Variants in PTGDR observed in about 807,000 individuals in gnomAD.
PTGDR encodes the protein PGD2 receptor.
Under a neutral mutation model 17.4 loss-of-function variants are expected in PTGDR, and 19 were observed. That is an observed-to-expected ratio of 1.09 (90% CI 0.76 to 1.60). The LOEUF is 1.60. Among genes scored for constraint, PTGDR ranks in the 40% most tolerant of loss-of-function variants. PTGDR has a pLI of 0.00. For missense variants in PTGDR, 526 were observed against 481.9 expected (o/e 1.09, Z -0.86); for synonymous variants, 267 against 224.2 (o/e 1.19, Z -1.71).
At chr14:52,273,121 T>C (rs1468109240) in intron 1 of PTGDR, among the ~76,000 whole-genome samples, 25 of 152,166 alleles carry the variant, frequency 1.6e-4, no homozygotes, top group Admixed American at 1.6e-3. Context: ...CAAGCAATTC[T>C]CCTGCCTCAG....
chr14:52,273,515 A>T (rs953356756), intron 1 of PTGDR, among the ~76,000 whole-genome samples: 2 of 152,122 alleles, frequency 1.3e-5, no homozygotes, highest in African/African-American at 2.4e-5. Context: ...GTTATGGAGA[A>T]GTTGTTAAGA....
At chr14:52,269,736 G>A (rs1281571108) in intron 1 of PTGDR, among the ~76,000 whole-genome samples, 4 of 152,084 alleles carry the variant, frequency 2.6e-5, no homozygotes. Flanking sequence ...TACTGCTTGC[G>A]GAAAAAGAAG....
Position 52,276,240 on chromosome 14 carries a change from A to G in PTGDR, c.*1276A>G, listed in dbSNP as rs2033422677. 6.6e-6 allele frequency: 1 copy of G among 152,210 alleles called. No homozygotes were observed. Among genetic ancestry groups the G allele is most frequent in the South Asian group, 2.1e-4 (1 of 4,826 alleles). 9.4% of individuals were successfully genotyped at this position (152,210 alleles called of 1,614,324 possible). On this transcript the variant is annotated 3_prime_UTR_variant, in exon 2 of 2. Coordinates refer to ENST00000306051, the MANE Select transcript of PTGDR (RefSeq NM_000953.3). ...GTAAAAGAACAGCTGGGGAGGTTCA[A>G]GGGGTTTCAGCATCTCTGGAGTTCC... is the stretch of plus-strand genomic sequence containing the variant.
At chr14:52,278,001 G>A (rs1270983371), downstream of PTGDR, among the ~76,000 whole-genome samples, 1 of 152,178 alleles carries the variant, frequency 6.6e-6, no homozygotes, top group Non-Finnish European at 1.5e-5. Context: ...TATCTGTAAT[G>A]TTCTCAGCAA....
chr14:52,271,105 T>G (rs553278749), intron 1 of PTGDR, among the ~76,000 whole-genome samples: 3 of 152,352 alleles, frequency 2.0e-5, no homozygotes, highest in African/African-American at 7.2e-5. Context: ...TGACCTCAGT[T>G]TCCTCATCTG....
chr14:52,278,260 A>G (rs1006784005), downstream of PTGDR, among the ~76,000 whole-genome samples: 22 of 152,372 alleles, frequency 1.4e-4, no homozygotes, highest in Admixed American at 1.0e-3. Flanking sequence ...AATGTGGCAC[A>G]TATACACCAT....
At position 52,268,554 on chromosome 14, in the gene PTGDR, G is replaced by T; in HGVS notation, c.740G>T (p.Arg247Leu). ...TGCACCAGGGACTGTGCCGAGCCGC[G>T]CGCGGACGGGAGGGAAGCGTCCCCT... ...RSCTRDCAEP[R>L]ADGREASPQP... Residue 247 changes from arginine (R) to leucine (L), a missense_variant, in exon 1 of 2, where the codon CGC (arginine) becomes CTC (leucine). By Grantham distance (102) the Arg-to-Leu change is moderately radical (BLOSUM62 -2). Coordinates refer to ENST00000306051, the MANE Select transcript of PTGDR (RefSeq NM_000953.3). 6.2e-7 allele frequency: 1 copy of T among 1,612,666 alleles called. No homozygotes were observed. The highest frequency in any genetic ancestry group is 8.5e-7 in the Non-Finnish European group (1 of 1,179,614).
chr14:52,276,433 G>A lies in PTGDR; in HGVS notation c.*1469G>A, dbSNP rs201639862. The stretch of plus-strand genomic sequence containing the variant: ...CACTTATGTTTTTTCCAGTATCTGA[G>A]ATAATATAAAGCTGGGTAATTTTTT... On this transcript the variant is annotated 3_prime_UTR_variant, in exon 2 of 2. Coordinates refer to ENST00000306051, the MANE Select transcript of PTGDR (RefSeq NM_000953.3). 2 of 152,092 alleles carry A rather than the reference G, an allele frequency of 1.3e-5. No individual in the cohort carries two copies. The highest frequency in any genetic ancestry group is 4.8e-5 in the African/African-American group (2 of 41,412). The allele number at this position is 152,092 out of a possible 1,614,324, so 9.4% of individuals were successfully genotyped here.
downstream of PTGDR, among the ~76,000 whole-genome samples, chr14:52,278,750 T>C (rs545284133): frequency 2.0e-4 from 30 of 152,110 alleles, no homozygotes; most frequent in Non-Finnish European, 4.0e-4. Flanking sequence ...GATACTACCC[T>C]CGGCAATGAT....
chr14:52,274,748 A>C lies in PTGDR; in HGVS notation c.864A>C (p.Gly288=). 1 of 1,611,822 alleles carries C rather than the reference A, an allele frequency of 6.2e-7. No individual in the cohort carries two copies. The highest frequency in any genetic ancestry group is 1.1e-5 in the South Asian group (1 of 91,052). Residue 288 remains glycine (G), a synonymous_variant, in exon 2 of 2, where the codon GGA becomes GGC. Transcript: ENST00000306051. ...CAAAACAGTATCGCGCTTACTATGG[A>C]GCATTTAAGGATGTCAAGGAGAAAA... is the stretch of plus-strand genomic sequence containing the variant. ...SLPVIYRAYY[G]AFKDVKEKNR...
intron 1 of PTGDR, chr14:52,269,332 C>T (rs116333647): frequency 2.3e-4 from 189 of 808,008 alleles, no homozygotes; most frequent in Non-Finnish European, 3.6e-4. Flanking sequence ...TTTTGACAAC[C>T]TGACTTGACG....
rs890699324 is a variant in PTGDR at position 52,276,558 on chromosome 14, T to C, written c.*1594T>C. On this transcript the variant is annotated 3_prime_UTR_variant, in exon 2 of 2. Coordinates refer to ENST00000306051, the MANE Select transcript of PTGDR (RefSeq NM_000953.3). ...CATGATGAAAAAAATACAGTTGTTT[T>C]TGAAATTTAACTTTTGTTTGTACCT... 8.5e-5 allele frequency: 13 copies of C among 152,230 alleles called. No homozygotes were observed. The highest frequency in any genetic ancestry group is 3.1e-4 in the African/African-American group (13 of 41,450). 9.4% of individuals were successfully genotyped at this position (152,230 alleles called of 1,614,324 possible).
At chr14:52,270,105 GTTAAGAATAATTC>G (rs1421179920) in intron 1 of PTGDR, among the ~76,000 whole-genome samples, 2 of 152,162 alleles carry the variant, frequency 1.3e-5, no homozygotes, top group Non-Finnish European at 2.9e-5. Context: ...TCTCCCTGGA[GTTAAGAATAATTC>G]TTACAAATGA....
At chr14:52,269,650 T>C in intron 1 of PTGDR, 1 of 947,382 alleles carries the variant, frequency 1.1e-6, no homozygotes, top group Middle Eastern at 2.2e-4. Flanking sequence ...CTTCTCAGAA[T>C]GTAGCCATTT....
At chr14:52,280,836 A>C (rs572242572), downstream of PTGDR, among the ~76,000 whole-genome samples, 2 of 152,172 alleles carry the variant, frequency 1.3e-5, no homozygotes, top group Non-Finnish European at 2.9e-5. Flanking sequence ...GAAACCCTCA[A>C]AATCATCTAT....
chr14:52,275,024 T>C lies in PTGDR; in HGVS notation c.*60T>C. 7.9e-7 allele frequency: 1 copy of C among 1,270,284 alleles called. No individual in the cohort carries two copies. Among genetic ancestry groups the C allele is most frequent in the South Asian group, 1.4e-5 (1 of 69,874 alleles). 78.7% of individuals were successfully genotyped at this position (1,270,284 alleles called of 1,614,324 possible). ...TGTCACATTTTCAGTCAAAGAACCA[T>C]GATTAAAAAAAAAAAGACAACTTAC... On this transcript the variant is annotated 3_prime_UTR_variant, in exon 2 of 2. Coordinates refer to ENST00000306051, the MANE Select transcript of PTGDR (RefSeq NM_000953.3).
At chr14:52,280,261 A>AAC (rs2033472918), downstream of PTGDR, among the ~76,000 whole-genome samples, 1 of 152,182 alleles carries the variant, frequency 6.6e-6, no homozygotes, top group Non-Finnish European at 1.5e-5. Context: ...ATTCATAATG[A>AAC]ATTTAGAAAA....
At chr14:52,274,229 C>T (rs542436198) in intron 1 of PTGDR, among the ~76,000 whole-genome samples, 2 of 152,278 alleles carry the variant, frequency 1.3e-5, no homozygotes, top group South Asian at 4.1e-4. Flanking sequence ...TAAAAGCTTC[C>T]ATTCTATTGG....
At chr14:52,274,329 A>G (rs1440625504) in intron 1 of PTGDR, among the ~76,000 whole-genome samples, 6 of 152,368 alleles carry the variant, frequency 3.9e-5, no homozygotes, top group African/African-American at 1.4e-4. Context: ...GAAAGAAAGG[A>G]GAACTGAAGA....
Sources: allele counts gnomAD v4.1 joint callset (sites outside exome capture counted in the v4.1 genomes callset), GRCh38; gene constraint gnomAD v4.1.1; transcripts MANE v1.5; gene names NCBI Gene and HGNC (gene_info 2026-07-23, HGNC 2026-07-21).